UBE4B: variants seen among roughly 807,000 people sequenced by gnomAD.
The protein encoded by UBE4B is ubiquitin conjugation factor E4 B.
A neutral mutation model predicts 148.1 loss-of-function variants in UBE4B; 27 were observed. The observed-to-expected ratio is 0.18, with a 90% confidence interval of 0.13 to 0.25. The LOEUF (loss-of-function observed/expected upper bound fraction) is 0.25. UBE4B is among the 10% of genes least tolerant of loss of function. UBE4B has a pLI of 1.00. For missense variants in UBE4B, 1,170 were observed against 1,662.4 expected (o/e 0.70, Z 5.15); for synonymous variants, 596 against 619.3 (o/e 0.96, Z 0.56).
At chr1:10,107,214 T>G (rs1445415897) in intron 7 of UBE4B, 1 of 1,289,532 alleles carries the variant, frequency 7.8e-7, no homozygotes, top group Admixed American at 2.3e-5. Flanking sequence ...TTGCTTTTGT[T>G]GTGGTAGTAT....
chr1:10,052,015 G>T lies in UBE4B; in HGVS notation c.24+18321G>T, dbSNP rs567597774. Among the ~76,000 whole-genome samples the T allele has an allele frequency of 2.6e-5, 4 of 151,998 alleles. No homozygotes were observed. The South Asian group carries it at 8.3e-4, about 32-fold the overall frequency. ...AAACATGACACATTCAATGCATATT[G>T]CTTCTTTGTTCCCTGTCAGTGCTTG... On this transcript the variant is annotated intron_variant, in intron 1 of 27. Coordinates refer to ENST00000343090, the MANE Select transcript of UBE4B (RefSeq NM_001105562.3).
intron 2 of UBE4B, among the ~76,000 whole-genome samples, chr1:10,094,369 T>TA (rs1266495028): frequency 1.3e-5 from 2 of 152,088 alleles, no homozygotes; most frequent in Non-Finnish European, 2.9e-5. Context: ...ATTGTAAACA[T>TA]ACAGTAAAGT....
At position 10,145,208 on chromosome 1, in the gene UBE4B, T is replaced by G. The variant is rs113642574; in HGVS notation, c.2463+169T>G. The G allele has an allele frequency of 2.0e-3, 980 of 489,308 alleles. 11 individuals are homozygous for G. Among genetic ancestry groups the G allele is most frequent in the African/African-American group, 0.016 (830 of 51,916 alleles). The allele number at this position is 489,308 out of a possible 1,614,324, so 30.3% of individuals were successfully genotyped here. On this transcript the variant is annotated intron_variant, in intron 18 of 27. Coordinates refer to ENST00000343090, the MANE Select transcript of UBE4B (RefSeq NM_001105562.3). Reference sequence around the variant, plus strand: ...AACTTGTTGATACCTTACTTATATGTGTATATAATGATTTCAGTCTCAGGA... The same window carrying G: ...AACTTGTTGATACCTTACTTATATGGGTATATAATGATTTCAGTCTCAGGA...
intron 2 of UBE4B, among the ~76,000 whole-genome samples, chr1:10,076,741 CTTT>C (rs61563451): frequency 9.4e-6 from 1 of 105,858 alleles, no homozygotes; most frequent in Non-Finnish European, 1.9e-5. Context: ...CAGTCCCAGC[CTTT>C]TTTTTTTTTT....
intron 17 of UBE4B, among the ~76,000 whole-genome samples, chr1:10,142,533 T>C (rs1048745430): frequency 6.6e-6 from 1 of 151,688 alleles, no homozygotes; most frequent in Admixed American, 6.6e-5. Flanking sequence ...TAGCCGGTCA[T>C]GGTAGTGCAT....
At chr1:10,060,028 C>T (rs948803304) in intron 1 of UBE4B, among the ~76,000 whole-genome samples, 1 of 151,986 alleles carries the variant, frequency 6.6e-6, no homozygotes, top group Admixed American at 6.6e-5. Context: ...GCAAGAGAGC[C>T]TGTTTGTATT....
intron 25 of UBE4B, 133 bp from the exon 26 acceptor site, chr1:10,178,511 G>T (rs1646460300): frequency 2.6e-6 from 2 of 770,286 alleles, no homozygotes; most frequent in African/African-American, 3.5e-5. Context: ...AAATATATAA[G>T]TGTATATATA....
At chr1:10,150,665 T>G (rs374076078) in intron 20 of UBE4B, among the ~76,000 whole-genome samples, 41 of 151,808 alleles carry the variant, frequency 2.7e-4, no homozygotes, top group Middle Eastern at 3.4e-3. Flanking sequence ...ATCAAGACCA[T>G]CCTGGCCAAC....
chr1:10,090,793 T>TTGTGTGTGTGTGTGTGTGTGTGTG, intron 2 of UBE4B, among the ~76,000 whole-genome samples: 1 of 141,510 alleles, frequency 7.1e-6, no homozygotes, highest in African/African-American at 2.6e-5. Context: ...GCCTATGCAT[T>TTGTGTGTGTGTGTGTGTGTGTGTG]TGTGTGTGTG....
intron 1 of UBE4B, among the ~76,000 whole-genome samples, chr1:10,042,050 T>C (rs1298242500): frequency 6.6e-6 from 1 of 152,146 alleles, no homozygotes; most frequent in Admixed American, 6.5e-5. Flanking sequence ...TTCTCCTGGG[T>C]CAGCCCCTCG....
chr1:10,105,641 G>C lies in UBE4B; in HGVS notation c.706G>C (p.Ala236Pro). Residue 236 changes from alanine (A) to proline (P), a missense_variant, in exon 6 of 28, where the codon GCA becomes CCA. Around this residue, in one of 6 missense-constraint regions of UBE4B, gnomAD observed 214 missense variants for 209.1 expected, o/e 1.02. Transcript: ENST00000343090. Reference sequence around the variant, plus strand: ...CACATCACAGCCAATTGCTGCAGCAGCACGGTCACCAGACAGAAATCTCTT... The same window carrying C: ...CACATCACAGCCAATTGCTGCAGCACCACGGTCACCAGACAGAAATCTCTT... ...TATSQPIAAA[A>P]RSPDRNLLLN... 1.9e-6 allele frequency: 3 copies of C among 1,614,194 alleles called. No individual in the cohort carries two copies. Among genetic ancestry groups the C allele is most frequent in the Non-Finnish European group, 1.7e-6 (2 of 1,180,042 alleles).
intron 25 of UBE4B, among the ~76,000 whole-genome samples, chr1:10,174,348 G>A (rs1165898876): frequency 6.7e-6 from 1 of 149,382 alleles, no homozygotes; most frequent in African/African-American, 2.5e-5. Context: ...AGCTGAGATC[G>A]CACCGCTGCA....
At chr1:10,063,822 C>G (rs1239522657) in intron 1 of UBE4B, among the ~76,000 whole-genome samples, 1 of 151,522 alleles carries the variant, frequency 6.6e-6, no homozygotes, top group Non-Finnish European at 1.5e-5. Flanking sequence ...GCAGGAGAAT[C>G]GCTTGAACCA....
intron 11 of UBE4B, chr1:10,128,686 C>T (rs1244540159): frequency 1.3e-5 from 2 of 152,192 alleles, no homozygotes; most frequent in Admixed American, 1.3e-4. Context: ...GGCATCTCAA[C>T]GTTGTGTCAA....
intron 1 of UBE4B, among the ~76,000 whole-genome samples, chr1:10,054,268 C>T (rs185849179): frequency 6.6e-6 from 1 of 152,288 alleles, no homozygotes; most frequent in Admixed American, 6.5e-5. Flanking sequence ...AGCCACCTCA[C>T]ATCTTTCAGC....
At chr1:10,036,710 G>C (rs1471623413) in intron 1 of UBE4B, among the ~76,000 whole-genome samples, 1 of 152,024 alleles carries the variant, frequency 6.6e-6, no homozygotes, top group Non-Finnish European at 1.5e-5. Flanking sequence ...CATTTCCAAA[G>C]CTTTTGCCTT....
chr1:10,124,269 C>G (rs1165499753), intron 10 of UBE4B, among the ~76,000 whole-genome samples: 1 of 152,140 alleles, frequency 6.6e-6, no homozygotes, highest in African/African-American at 2.4e-5. Context: ...TCGAGCGATT[C>G]TCCTGCCTCA....
chr1:10,173,544 C>G (rs147524786), intron 25 of UBE4B, among the ~76,000 whole-genome samples: 4 of 151,810 alleles, frequency 2.6e-5, no homozygotes, highest in Non-Finnish European at 4.4e-5. Flanking sequence ...TACTAGCCCC[C>G]GACTATATAA....
intron 2 of UBE4B, among the ~76,000 whole-genome samples, chr1:10,090,676 G>C (rs758681535): frequency 1.6e-4 from 24 of 151,970 alleles, no homozygotes; most frequent in Non-Finnish European, 2.2e-4. Flanking sequence ...TGCCTCGACC[G>C]CCCAATCTGT....
Sources: gnomAD v4.1 joint callset for allele counts (sites outside exome capture counted in the v4.1 genomes callset) on GRCh38, gnomAD v4.1.1 for gene constraint, gnomAD v4.1.1 regional missense constraint, MANE v1.5 for transcripts, NCBI Gene and HGNC (gene_info 2026-07-23, HGNC 2026-07-21) for gene names.